PHIP: variants seen among roughly 807,000 people sequenced by gnomAD.
PHIP encodes PH-interacting protein.
Under a neutral mutation model 236.8 loss-of-function variants are expected in PHIP, and 54 were observed. The ratio of observed to expected loss-of-function variants is 0.23; its 90% CI spans 0.18 to 0.29. The LOEUF (loss-of-function observed/expected upper bound fraction) is 0.29. Ranked by LOEUF, PHIP falls within the 10% of genes least tolerant of loss-of-function variation. PHIP has a pLI of 1.00. For synonymous variants in PHIP, 756 were observed against 718.9 expected (o/e 1.05, Z -0.83); for missense variants, 1,370 against 2,190.8 (o/e 0.63, Z 7.48).
intron 4 of PHIP, among the ~76,000 whole-genome samples, chr6:79,070,631 C>G (rs1773834913): frequency 6.6e-6 from 1 of 152,132 alleles, no homozygotes; most frequent in Non-Finnish European, 1.5e-5. Context: ...CAGCTGGAGT[C>G]CAGAACACAG....
intron 21 of PHIP, 118 bp downstream of exon 21, chr6:78,988,091 C>A: frequency 1.6e-6 from 1 of 616,678 alleles, no homozygotes; most frequent in South Asian, 4.4e-5. Flanking sequence ...TCATAAGACC[C>A]CAAAATGCCA....
At chr6:78,991,134 T>C (rs898553281) in intron 19 of PHIP, 149 bp from the exon 20 acceptor site, 10 of 593,490 alleles carry the variant, frequency 1.7e-5, no homozygotes, top group Admixed American at 6.4e-5. Context: ...TTTAATTTCA[T>C]AGGTTGTGGG....
intron 7 of PHIP, among the ~76,000 whole-genome samples, chr6:79,029,240 C>T (rs145958068): frequency 6.6e-6 from 1 of 152,212 alleles, no homozygotes; most frequent in Non-Finnish European, 1.5e-5. Context: ...AGTTTGCTGC[C>T]CCTACCCCTA....
chr6:78,982,941 T>C lies in PHIP; in HGVS notation c.2714A>G (p.Glu905Gly), dbSNP rs753647976. The C allele has an allele frequency of 1.9e-6, 3 of 1,600,606 alleles. No homozygotes were observed. The highest frequency in any genetic ancestry group is 2.7e-5 in the African/African-American group (2 of 74,122). ...IKKEKKKVNE[E>G]KDGPISPKKK... ...CTTTGGTGATATTGGTCCATCTTTT[T>C]CTTCATTTACTTTTTTCTTTTCCTT... is the stretch of plus-strand genomic sequence containing the variant. Residue 905 changes from glutamate to glycine, a missense_variant, in exon 23 of 40, where the codon GAA becomes GGA. By Grantham distance (98) the Glu-to-Gly change is moderately conservative. Around this residue, in one of 14 missense-constraint regions of PHIP, gnomAD observed 76 missense variants for 76.4 expected, o/e 0.99. Coordinates refer to ENST00000275034, the MANE Select transcript of PHIP (RefSeq NM_017934.7).
In PHIP at chr6:78,935,732, T is replaced by C; in HGVS notation, c.*4961A>G. The C allele has an allele frequency of 1.0e-6, 1 of 985,302 alleles. No individual in the cohort carries two copies. The highest frequency in any genetic ancestry group is 1.2e-6 in the Non-Finnish European group (1 of 829,812). The allele number at this position is 985,302 out of a possible 1,614,324, so 61.0% of individuals were successfully genotyped here. On this transcript the variant is annotated 3_prime_UTR_variant, in exon 40 of 40. Transcript: ENST00000275034. ...ACACACAGGGCACTGGAAACTCTAATGAACCAGCATTTACATAATGGTATC... is the reference window on the plus strand; with the variant it reads ...ACACACAGGGCACTGGAAACTCTAACGAACCAGCATTTACATAATGGTATC...
intron 29 of PHIP, among the ~76,000 whole-genome samples, chr6:78,964,115 C>G (rs980206153): frequency 6.6e-6 from 1 of 152,086 alleles, no homozygotes; most frequent in Non-Finnish European, 1.5e-5. Flanking sequence ...TTCAAACTTT[C>G]TTTTTAATAA....
intron 23 of PHIP, among the ~76,000 whole-genome samples, chr6:78,979,584 T>G (rs548531029): frequency 6.6e-6 from 1 of 152,202 alleles, no homozygotes; most frequent in African/African-American, 2.4e-5. Flanking sequence ...GTTCCTTAAC[T>G]TTGCTGGTCA....
At position 78,970,703 on chromosome 6, in the gene PHIP, T is replaced by C. The variant is rs74463232; in HGVS notation, c.2997+78A>G. Reference sequence around the variant, plus strand: ...ATGATGCAGTTTCTTATTGTGTTAATAGTAACCTTTGATACAATTTTCTCC... The same window carrying C: ...ATGATGCAGTTTCTTATTGTGTTAACAGTAACCTTTGATACAATTTTCTCC... On this transcript the variant is annotated intron_variant, in intron 25 of 39. Coordinates refer to ENST00000275034, the MANE Select transcript of PHIP (RefSeq NM_017934.7). 2,186 of 889,990 alleles carry C rather than the reference T, an allele frequency of 2.5e-3. 29 individuals carry two copies. The African/African-American group carries it at 0.029, about 12-fold the overall frequency. The allele number at this position is 889,990 out of a possible 1,614,324, so 55.1% of individuals were successfully genotyped here. A position where few individuals can be genotyped will look rare whatever the true frequency, so the allele number is the denominator to read the frequency against.
At chr6:79,068,911 A>G (rs1175480092) in intron 4 of PHIP, among the ~76,000 whole-genome samples, 1 of 152,100 alleles carries the variant, frequency 6.6e-6, no homozygotes, top group African/African-American at 2.4e-5. Flanking sequence ...GTTTGGCACC[A>G]GTATCATTTG....
At chr6:79,015,814 A>G in intron 13 of PHIP, 31 bp from the exon 14 acceptor site, 1 of 1,553,840 alleles carries the variant, frequency 6.4e-7, no homozygotes. Context: ...TACACTGACT[A>G]TTAAAATACT....
chr6:79,073,385 C>T (rs892160331), intron 4 of PHIP, among the ~76,000 whole-genome samples: 8 of 152,080 alleles, frequency 5.3e-5, no homozygotes, highest in Non-Finnish European at 7.4e-5. Context: ...GAGACTACCA[C>T]GCAAAGCTTC....
At chr6:78,956,822 A>G (rs1430268937) in intron 32 of PHIP, 1 of 152,078 alleles carries the variant, frequency 6.6e-6, no homozygotes, top group Non-Finnish European at 1.5e-5. Context: ...ATTCTTATCT[A>G]AACTTTTATA....
intron 15 of PHIP, among the ~76,000 whole-genome samples, chr6:79,008,966 T>C (rs1361179020): frequency 1.3e-5 from 2 of 152,116 alleles, no homozygotes; most frequent in Non-Finnish European, 2.9e-5. Flanking sequence ...AATCCTAATA[T>C]AGTCACAAAA....
At chr6:79,020,626 T>A (rs1005695421) in intron 9 of PHIP, among the ~76,000 whole-genome samples, 4 of 152,222 alleles carry the variant, frequency 2.6e-5, no homozygotes, top group African/African-American at 7.2e-5. Context: ...ATGCAAATAG[T>A]CCTATAAACT....
chr6:79,017,237 C>A (rs1246046298), intron 12 of PHIP, 109 bp downstream of exon 12: 1 of 637,746 alleles, frequency 1.6e-6, no homozygotes, highest in African/African-American at 1.9e-5. Flanking sequence ...TGGTCAAGAT[C>A]TTTTAGGTAG....
intron 7 of PHIP, among the ~76,000 whole-genome samples, chr6:79,035,179 T>C (rs1406780926): frequency 6.6e-6 from 1 of 152,064 alleles, no homozygotes; most frequent in East Asian, 1.9e-4. Context: ...CACCTACTAA[T>C]CTCAGAATTC....
chr6:78,967,191 A>G (rs902443919), intron 27 of PHIP, among the ~76,000 whole-genome samples: 5 of 152,230 alleles, frequency 3.3e-5, no homozygotes, highest in African/African-American at 1.2e-4. Flanking sequence ...GTAAAAGAAT[A>G]TGATAAAAAA....
At position 78,937,494 on chromosome 6, in the gene PHIP, T is replaced by TTATGA. The variant is rs1773319628; in HGVS notation, c.*3198_*3199insTCATA. 1 of 151,742 alleles carries TTATGA rather than the reference T, an allele frequency of 6.6e-6. No homozygotes were observed. The highest frequency in any genetic ancestry group is 2.4e-5 in the African/African-American group (1 of 41,418). The allele number at this position is 151,742 out of a possible 1,614,324, so 9.4% of individuals were successfully genotyped here. A position where few individuals can be genotyped will look rare whatever the true frequency, so the allele number is the denominator to read the frequency against. On this transcript the variant is annotated 3_prime_UTR_variant, in exon 40 of 40. Coordinates refer to ENST00000275034, the MANE Select transcript of PHIP (RefSeq NM_017934.7). Reference sequence around the variant, plus strand: ...AAAGATATTTTCTCTGATTACTGTATCTTATGTAATTCATTTCCAAGTGAT... The same window carrying TTATGA: ...AAAGATATTTTCTCTGATTACTGTATTATGACTTATGTAATTCATTTCCAAGTGAT...
At chr6:78,966,147 G>A (rs1234551153) in intron 27 of PHIP, 91 bp from the exon 28 acceptor site, 12 of 765,274 alleles carry the variant, frequency 1.6e-5, no homozygotes, top group Non-Finnish European at 2.3e-6. Flanking sequence ...TACCTAAACT[G>A]CCTGTATGAT....
Sources: gnomAD v4.1 joint callset for allele counts (sites outside exome capture counted in the v4.1 genomes callset) on GRCh38, gnomAD v4.1.1 for gene constraint, gnomAD v4.1.1 regional missense constraint, MANE v1.5 for transcripts, NCBI Gene and HGNC (gene_info 2026-07-23, HGNC 2026-07-21) for gene names.